VSTM2B: variants seen among roughly 807,000 people sequenced by gnomAD.
VSTM2B encodes the protein V-set and transmembrane domain containing 2B.
In VSTM2B, 24 loss-of-function variants were observed where a neutral mutation model predicts 24.0. The observed-to-expected ratio is 1.00, with a 90% confidence interval of 0.72 to 1.40. The LOEUF is 1.40. Ranked by LOEUF, VSTM2B falls within the 40% of genes most tolerant of loss-of-function variation. The pLI is 0.00. For missense variants in VSTM2B, 399 were observed against 416.4 expected (o/e 0.96, Z 0.36); for synonymous variants, 226 against 194.4 (o/e 1.16, Z -1.35).
chr19:29,557,542 AC>A (rs1306859276), intron 4 of VSTM2B, among the ~76,000 whole-genome samples: 3 of 152,158 alleles, frequency 2.0e-5, no homozygotes, highest in African/African-American at 7.2e-5. Context: ...TACTGAAAAT[AC>A]AAAAAATTAG....
intron 3 of VSTM2B, 36 bp downstream of exon 3, chr19:29,528,498 C>G (rs1228044666): frequency 7.7e-6 from 12 of 1,550,194 alleles, no homozygotes; most frequent in African/African-American, 1.4e-5. Context: ...GCGGGAGACC[C>G]CTTCTGGCCG....
rs1970603428 is a variant in VSTM2B, at chr19:29,564,455, T to C, written c.*521T>C. ...TAAAATTCACTGTCAATAATATTTA[T>C]TTTTAAATAAAGATTGGAAACAAGG... On this transcript the variant is annotated 3_prime_UTR_variant, in exon 5 of 5. Coordinates refer to ENST00000335523, the MANE Select transcript of VSTM2B (RefSeq NM_001146339.2). The C allele has an allele frequency of 2.0e-5, 3 of 152,396 alleles. No individual in the cohort carries two copies. Among genetic ancestry groups the C allele is most frequent in the Non-Finnish European group, 4.4e-5 (3 of 68,188 alleles). 9.4% of individuals were successfully genotyped at this position (152,396 alleles called of 1,614,324 possible).
At position 29,526,502 on chromosome 19, in the gene VSTM2B, C is replaced by A. The variant is rs1481166678; in HGVS notation, c.-82C>A. ...ATGGCAGGCTCGGAGGCGTCCTAGC[C>A]CGAGCCGGAGCCGATCCGAGCCCAC... On this transcript the variant is annotated 5_prime_UTR_variant, in exon 1 of 5. Coordinates refer to ENST00000335523, the MANE Select transcript of VSTM2B (RefSeq NM_001146339.2). This position sits in a 1 kb window ranked among gnomAD's most constrained non-coding sequence, Gnocchi z 4.1. 19 of 1,176,154 alleles carry A rather than the reference C, an allele frequency of 1.6e-5. No individual in the cohort carries two copies. The East Asian group carries it at 5.9e-4, about 37-fold the overall frequency. 72.9% of individuals were successfully genotyped at this position (1,176,154 alleles called of 1,614,324 possible).
chr19:29,551,855 A>G (rs1403881073), intron 4 of VSTM2B, among the ~76,000 whole-genome samples: 1 of 152,230 alleles, frequency 6.6e-6, no homozygotes, highest in African/African-American at 2.4e-5. Flanking sequence ...CAGCCCGCTC[A>G]GCACACAACC....
intron 4 of VSTM2B, among the ~76,000 whole-genome samples, chr19:29,553,102 G>A (rs1970324245): frequency 6.6e-6 from 1 of 151,878 alleles, no homozygotes; most frequent in South Asian, 2.1e-4. Context: ...CACCCCCTCT[G>A]CCAAGGGGTA....
chr19:29,550,390 C>G (rs1410869555), intron 4 of VSTM2B, among the ~76,000 whole-genome samples: 1 of 152,166 alleles, frequency 6.6e-6, no homozygotes, highest in African/African-American at 2.4e-5. Flanking sequence ...TATGATTGCA[C>G]CACTGTACTC....
intron 4 of VSTM2B, among the ~76,000 whole-genome samples, chr19:29,553,590 T>G (rs1322972319): frequency 6.6e-6 from 1 of 152,150 alleles, no homozygotes; most frequent in African/African-American, 2.4e-5. Flanking sequence ...GAGCACAGAA[T>G]GGGGCAGAGG....
At chr19:29,548,267 G>T (rs983546859) in intron 4 of VSTM2B, among the ~76,000 whole-genome samples, 5 of 152,148 alleles carry the variant, frequency 3.3e-5, no homozygotes, top group African/African-American at 4.8e-5. Flanking sequence ...CAGCTTGTCT[G>T]CAAACCCAGG....
chr19:29,548,976 G>C (rs1970210803), intron 4 of VSTM2B, among the ~76,000 whole-genome samples: 1 of 152,222 alleles, frequency 6.6e-6, no homozygotes, highest in African/African-American at 2.4e-5. Context: ...TAGCAGGGAG[G>C]GATGAGGGGA....
intron 4 of VSTM2B, among the ~76,000 whole-genome samples, chr19:29,542,114 A>G (rs557516884): frequency 6.6e-6 from 1 of 151,216 alleles, no homozygotes; most frequent in East Asian, 2.0e-4. Flanking sequence ...GGGAGAATGA[A>G]TGGGTGGGCA....
intron 4 of VSTM2B, among the ~76,000 whole-genome samples, chr19:29,536,505 A>G (rs2145477484): frequency 6.6e-6 from 1 of 152,328 alleles, no homozygotes; most frequent in East Asian, 1.9e-4. Flanking sequence ...CCCTAAATTC[A>G]GGATAAAAAC....
At chr19:29,535,823 T>C (rs1352663069) in intron 4 of VSTM2B, among the ~76,000 whole-genome samples, 2 of 151,996 alleles carry the variant, frequency 1.3e-5, no homozygotes, top group African/African-American at 2.4e-5. Context: ...GAGCAAGCCA[T>C]TGAGGCAGCC....
intron 4 of VSTM2B, among the ~76,000 whole-genome samples, chr19:29,548,803 A>T (rs1311104019): frequency 6.6e-6 from 1 of 152,308 alleles, no homozygotes; most frequent in East Asian, 1.9e-4. Flanking sequence ...CATGGGGACA[A>T]AGATAGGATG....
chr19:29,528,327 G>T, intron 2 of VSTM2B, 106 bp from the exon 3 acceptor site: 4 of 1,451,326 alleles, frequency 2.8e-6, no homozygotes, highest in African/African-American at 1.4e-5. Flanking sequence ...GGGCGGTTTC[G>T]GTCCTAGCCT....
intron 4 of VSTM2B, among the ~76,000 whole-genome samples, chr19:29,541,278 T>C (rs1461859520): frequency 6.6e-6 from 1 of 152,130 alleles, no homozygotes; most frequent in African/African-American, 2.4e-5. Flanking sequence ...AGAGGTGGGA[T>C]GAATTTGATA....
At chr19:29,546,707 C>A (rs1012303736) in intron 4 of VSTM2B, among the ~76,000 whole-genome samples, 1 of 151,350 alleles carries the variant, frequency 6.6e-6, no homozygotes, top group African/African-American at 2.4e-5. Context: ...GCAGTCGGGC[C>A]GCCTGCGGCC....
At chr19:29,534,264 C>T (rs1416077459) in intron 4 of VSTM2B, among the ~76,000 whole-genome samples, 1 of 152,206 alleles carries the variant, frequency 6.6e-6, no homozygotes, top group Non-Finnish European at 1.5e-5. Flanking sequence ...GCAAGGATCT[C>T]ACTCCTCCTG....
In VSTM2B at chr19:29,530,130, G is replaced by C; in HGVS notation, c.609G>C (p.Pro203=). ...CCGGCCGCGGCGACAAGAGCCCGCC[G>C]CCCGGGAGCCCTCCCGCCGCCATCG... ...SEPGRGDKSP[P]PGSPPAAIDP... The change falls in exon 4 of 5, where the codon CCG becomes CCC. Residue 203 remains proline (P), a synonymous_variant. Transcript: ENST00000335523. The C allele has an allele frequency of 6.9e-7, 1 of 1,452,458 alleles. No individual in the cohort carries two copies. Among genetic ancestry groups the C allele is most frequent in the Non-Finnish European group, 9.0e-7 (1 of 1,110,228 alleles). The allele number at this position is 1,452,458 out of a possible 1,614,324, so 90.0% of individuals were successfully genotyped here.
chr19:29,539,848 C>G (rs1389648403), intron 4 of VSTM2B, among the ~76,000 whole-genome samples: 1 of 152,192 alleles, frequency 6.6e-6, no homozygotes. Context: ...TCCTGCCTGT[C>G]TCCACCCCTC....
Sources: allele counts gnomAD v4.1 joint callset (sites outside exome capture counted in the v4.1 genomes callset), GRCh38; gene constraint gnomAD v4.1.1; non-coding constraint Gnocchi (gnomAD v3.1); transcripts MANE v1.5; gene names NCBI Gene and HGNC (gene_info 2026-07-23, HGNC 2026-07-21).